The following CIMIP6 variants were observed in gnomAD, a reference collection of about 807,000 sequenced individuals.
The protein encoded by CIMIP6 is uncharacterized protein C2orf73.
the CIMIP6 span, among the ~76,000 whole-genome samples, chr2:54,372,785 G>T: frequency 1.3e-5 from 2 of 152,216 alleles, no homozygotes; most frequent in African/African-American, 4.8e-5. Flanking sequence ...GGAGGGACAA[G>T]TCATACCTAC....
At chr2:54,380,815 C>T in the CIMIP6 span, among the ~76,000 whole-genome samples, 1 of 152,348 alleles carries the variant, frequency 6.6e-6, no homozygotes, top group Admixed American at 6.5e-5. Context: ...CAGACACGTG[C>T]TACCATGGGA....
At chr2:54,344,037 C>T in the CIMIP6 span, among the ~76,000 whole-genome samples, 1 of 152,136 alleles carries the variant, frequency 6.6e-6, no homozygotes, top group Non-Finnish European at 1.5e-5. Flanking sequence ...GTTATTTCTT[C>T]CTAGTGGACA....
the CIMIP6 span, among the ~76,000 whole-genome samples, chr2:54,356,834 T>A: frequency 6.6e-6 from 1 of 152,190 alleles, no homozygotes; most frequent in Admixed American, 6.5e-5. Flanking sequence ...TATTACCAAA[T>A]GCATGCTTTG....
At chr2:54,343,922 C>G in the CIMIP6 span, 5 of 1,430,840 alleles carry the variant, frequency 3.5e-6, 1 homozygote, top group South Asian at 4.8e-5. Flanking sequence ...CAAATTATTG[C>G]TACCAAAACT....
the CIMIP6 span, among the ~76,000 whole-genome samples, chr2:54,351,287 A>G: frequency 6.6e-6 from 1 of 152,232 alleles, no homozygotes; most frequent in Admixed American, 6.5e-5. Context: ...ATTACTGGGT[A>G]TATACCCAAA....
chr2:54,340,616 A>C, the CIMIP6 span, among the ~76,000 whole-genome samples: 218 of 152,266 alleles, frequency 1.4e-3, 1 homozygote, highest in African/African-American at 4.9e-3. Context: ...AATTTATAAC[A>C]CTCATCAGAA....
At chr2:54,360,427 C>T in the CIMIP6 span, 11 of 1,598,946 alleles carry the variant, frequency 6.9e-6, no homozygotes, top group Admixed American at 1.7e-5. Flanking sequence ...AAACAGACGT[C>T]AGACAGGCAG....
At chr2:54,372,403 G>A in the CIMIP6 span, among the ~76,000 whole-genome samples, 206 of 152,228 alleles carry the variant, frequency 1.4e-3, no homozygotes, top group South Asian at 0.016. Flanking sequence ...GTCACTCATC[G>A]TGGTGGTTGT....
chr2:54,357,605 C>T, the CIMIP6 span, among the ~76,000 whole-genome samples: 3 of 136,944 alleles, frequency 2.2e-5, no homozygotes, highest in South Asian at 6.7e-4. Flanking sequence ...GAGACACAGT[C>T]TTGCTCTGTC....
At chr2:54,342,289 C>T in the CIMIP6 span, among the ~76,000 whole-genome samples, 1 of 152,186 alleles carries the variant, frequency 6.6e-6, no homozygotes, top group Admixed American at 6.5e-5. Flanking sequence ...ATGAATAGTT[C>T]TGACTTTCCT....
chr2:54,332,722 T>G, the CIMIP6 span, among the ~76,000 whole-genome samples: 1 of 152,224 alleles, frequency 6.6e-6, no homozygotes, highest in Non-Finnish European at 1.5e-5. Context: ...CCCCAGTCCT[T>G]TTCTTCAAGG....
chr2:54,373,481 T>G, the CIMIP6 span, among the ~76,000 whole-genome samples: 1 of 152,120 alleles, frequency 6.6e-6, no homozygotes, highest in East Asian at 1.9e-4. Context: ...GTGTGTCGCT[T>G]TTGCAACACT....
chr2:54,361,593 A>G, the CIMIP6 span: 1 of 152,080 alleles, frequency 6.6e-6, no homozygotes, highest in East Asian at 1.9e-4. Flanking sequence ...AATGAATGTC[A>G]TTATATTTTT....
the CIMIP6 span, among the ~76,000 whole-genome samples, chr2:54,373,753 G>A: frequency 6.6e-6 from 1 of 152,198 alleles, no homozygotes; most frequent in Non-Finnish European, 1.5e-5. Context: ...AAGGAGGCTT[G>A]AGTAATGGCC....
At chr2:54,363,522 A>G in the CIMIP6 span, among the ~76,000 whole-genome samples, 2 of 151,866 alleles carry the variant, frequency 1.3e-5, no homozygotes, top group South Asian at 4.2e-4. Flanking sequence ...ATATTCATTG[A>G]CTCTAGGCTT....
At chr2:54,356,143 TAA>T in the CIMIP6 span, among the ~76,000 whole-genome samples, 28 of 136,622 alleles carry the variant, frequency 2.0e-4, no homozygotes, top group African/African-American at 5.4e-4. Context: ...CTTAAACTGT[TAA>T]AAAAAAAAAA....
chr2:54,331,065 G>A, the CIMIP6 span: 3 of 1,534,020 alleles, frequency 2.0e-6, no homozygotes, highest in Non-Finnish European at 2.7e-6. Context: ...TTCAGGGGGA[G>A]GCCGGGATCC....
the CIMIP6 span, among the ~76,000 whole-genome samples, chr2:54,352,180 C>T: frequency 6.6e-6 from 1 of 152,118 alleles, no homozygotes; most frequent in African/African-American, 2.4e-5. Context: ...TTTGCTTTCT[C>T]ATCTCTATAT....
At chr2:54,380,402 C>A in the CIMIP6 span, among the ~76,000 whole-genome samples, 1 of 152,158 alleles carries the variant, frequency 6.6e-6, no homozygotes. Context: ...TCCCCCAACC[C>A]CCCTGCACTG....
Sources: allele counts gnomAD v4.1 joint callset (sites outside exome capture counted in the v4.1 genomes callset), GRCh38; gene constraint gnomAD v4.1.1; transcripts MANE v1.5; gene names NCBI Gene and HGNC (gene_info 2026-07-23, HGNC 2026-07-21).